PHB1: variants seen among roughly 807,000 people sequenced by gnomAD.
PHB1 encodes the protein prohibitin 1, also known as epididymis luminal protein 215.
the PHB1 span, among the ~76,000 whole-genome samples, chr17:49,411,241 C>T: frequency 6.8e-6 from 1 of 148,072 alleles, no homozygotes; most frequent in Admixed American, 6.8e-5. Flanking sequence ...CACTCTGTTG[C>T]CCAGGCTGCA....
the PHB1 span, chr17:49,413,087 C>T: frequency 2.6e-4 from 232 of 908,984 alleles, no homozygotes; most frequent in Non-Finnish European, 3.8e-4. Flanking sequence ...TCACTGACGG[C>T]AGCTACCATC....
the PHB1 span, among the ~76,000 whole-genome samples, chr17:49,409,905 G>T: frequency 6.6e-6 from 1 of 151,954 alleles, no homozygotes; most frequent in Admixed American, 6.6e-5. Flanking sequence ...TTTTGAGACA[G>T]GGTCACATGT....
chr17:49,405,003 G>A, the PHB1 span: 1 of 1,553,676 alleles, frequency 6.4e-7, no homozygotes, highest in Non-Finnish European at 8.7e-7. Flanking sequence ...CACTGGGGCA[G>A]CTGGAGGAGC....
the PHB1 span, chr17:49,409,445 G>T: frequency 6.2e-7 from 1 of 1,614,106 alleles, no homozygotes; most frequent in South Asian, 1.1e-5. Flanking sequence ...GGAAGAGGAT[G>T]CGCAGTGTGA....
chr17:49,413,050 G>C, the PHB1 span: 1 of 679,620 alleles, frequency 1.5e-6, no homozygotes, highest in Admixed American at 2.2e-5. Flanking sequence ...AATGGCAGGA[G>C]GTGAGCCCTC....
At chr17:49,405,266 C>A in the PHB1 span, 1 of 1,429,064 alleles carries the variant, frequency 7.0e-7, no homozygotes, top group Non-Finnish European at 9.7e-7. Context: ...AGGCTACAAC[C>A]AAAGGCCCTT....
chr17:49,411,631 A>C, the PHB1 span: 1 of 1,541,398 alleles, frequency 6.5e-7, no homozygotes, highest in Non-Finnish European at 8.9e-7. Context: ...AGAACAGAGC[A>C]CCTCTTCCAC....
chr17:49,407,001 G>A, the PHB1 span: 48 of 656,888 alleles, frequency 7.3e-5, no homozygotes, highest in Admixed American at 1.1e-4. Flanking sequence ...TTCCACCTCC[G>A]TATCTGTATC....
chr17:49,409,688 C>A, the PHB1 span, among the ~76,000 whole-genome samples: 32 of 151,548 alleles, frequency 2.1e-4, no homozygotes, highest in African/African-American at 7.0e-4. Flanking sequence ...ATTACAGGCA[C>A]GCGCCGCCAC....
At chr17:49,411,826 G>A in the PHB1 span, 2 of 1,613,950 alleles carry the variant, frequency 1.2e-6, no homozygotes, top group South Asian at 2.2e-5. Flanking sequence ...TGACAGCTCT[G>A]TGCCCAGCAT....
chr17:49,406,741 A>G, the PHB1 span: 46 of 1,586,302 alleles, frequency 2.9e-5, no homozygotes, highest in African/African-American at 6.7e-5. Flanking sequence ...GGCTCCTGCC[A>G]TCTGGTCGAA....
the PHB1 span, chr17:49,407,216 C>CCTG: frequency 4.5e-6 from 1 of 222,416 alleles, no homozygotes; most frequent in South Asian, 7.0e-5. Flanking sequence ...CTGACTAGTG[C>CCTG]TCTTCCAAGG....
the PHB1 span, chr17:49,409,343 G>C: frequency 1.9e-6 from 3 of 1,614,174 alleles, 1 homozygote; most frequent in South Asian, 3.3e-5. Flanking sequence ...CCACTGACTT[G>C]AGGATCTCAG....
chr17:49,411,173 A>G, the PHB1 span, among the ~76,000 whole-genome samples: 3 of 151,786 alleles, frequency 2.0e-5, no homozygotes, highest in Non-Finnish European at 2.9e-5. Context: ...AAGAAATTCC[A>G]AAGAGATGGG....
chr17:49,407,145 T>C, the PHB1 span: 2 of 380,932 alleles, frequency 5.3e-6, no homozygotes, highest in South Asian at 5.7e-5. Context: ...CACCAGAAGG[T>C]ATCTACTCAA....
chr17:49,409,199 T>C, the PHB1 span: 1 of 1,581,470 alleles, frequency 6.3e-7, no homozygotes, highest in African/African-American at 1.3e-5. Flanking sequence ...GTCAGGTTAA[T>C]GAGGAAGCAG....
chr17:49,404,790 T>A, the PHB1 span: 3 of 588,544 alleles, frequency 5.1e-6, no homozygotes, highest in Admixed American at 9.0e-5. Context: ...GATAAAAAAG[T>A]AGATGGATGT....
At chr17:49,411,561 T>C in the PHB1 span, 1 of 848,168 alleles carries the variant, frequency 1.2e-6, no homozygotes, top group Non-Finnish European at 1.9e-6. Context: ...GTCATTCCTA[T>C]GATGTACAGT....
chr17:49,406,442 A>G, the PHB1 span, among the ~76,000 whole-genome samples: 1 of 152,230 alleles, frequency 6.6e-6, no homozygotes, highest in African/African-American at 2.4e-5. Flanking sequence ...CTATGTAACT[A>G]TGGTTAAAAA....
Sources: gnomAD v4.1 joint callset for allele counts (sites outside exome capture counted in the v4.1 genomes callset) on GRCh38, gnomAD v4.1.1 for gene constraint, MANE v1.5 for transcripts, NCBI Gene and HGNC (gene_info 2026-07-23, HGNC 2026-07-21) for gene names.